CAND1: variants seen among roughly 807,000 people sequenced by gnomAD.
CAND1 encodes the protein cullin associated and neddylation dissociated 1, also known as cullin-associated NEDD8-dissociated protein 1.
A neutral mutation model predicts 108.5 loss-of-function variants in CAND1; 7 were observed. That is an observed-to-expected ratio of 0.06 (90% CI 0.04 to 0.12). The LOEUF (loss-of-function observed/expected upper bound fraction) is 0.12. Among genes scored for constraint, CAND1 ranks in the 10% least tolerant of loss-of-function variants. The pLI is 1.00. For missense variants in CAND1, 941 were observed against 1,448.7 expected (o/e 0.65, Z 5.69); for synonymous variants, 534 against 512.0 (o/e 1.04, Z -0.58).
intron 2 of CAND1, among the ~76,000 whole-genome samples, chr12:67,292,157 G>C (rs2044728407): frequency 6.6e-6 from 1 of 152,014 alleles, no homozygotes; most frequent in African/African-American, 2.4e-5. Context: ...ATGAGCCACT[G>C]CATCCGGCCT....
rs2045039063 is a variant in CAND1 at position 67,319,477 on chromosome 12, C to G, written c.*6647C>G. 1 of 152,112 alleles carries G rather than the reference C, an allele frequency of 6.6e-6. No individual in the cohort carries two copies. Among genetic ancestry groups the G allele is most frequent in the African/African-American group, 2.4e-5 (1 of 41,420 alleles). 9.4% of individuals were successfully genotyped at this position (152,112 alleles called of 1,614,324 possible). On this transcript the variant is annotated 3_prime_UTR_variant, in exon 15 of 15. Transcript: ENST00000545606. ...TTCCCTGGACAAGTAATGAAGAGGG[C>G]ATAATCCAAGGGCCAACTCCCATGT...
At chr12:67,295,871 C>T (rs1158249402) in intron 4 of CAND1, among the ~76,000 whole-genome samples, 1 of 152,110 alleles carries the variant, frequency 6.6e-6, no homozygotes, top group African/African-American at 2.4e-5. Flanking sequence ...CCGATGGCTA[C>T]AGGGCAGAAT....
At chr12:67,295,232 A>G (rs1388574513) in intron 4 of CAND1, 76 bp downstream of exon 4, 1 of 1,340,370 alleles carries the variant, frequency 7.5e-7, no homozygotes, top group Non-Finnish European at 1.0e-6. Context: ...TTTCTAGTAA[A>G]TATAATAAAA....
intron 13 of CAND1, 94 bp downstream of exon 13, chr12:67,310,410 A>C: frequency 1.1e-6 from 1 of 919,300 alleles, no homozygotes; most frequent in South Asian, 1.8e-5. Context: ...TCTGAGAAAA[A>C]TCAGGTTGTC....
rs1210840782 is a variant in CAND1 at position 67,314,571 on chromosome 12, G to A, written c.*1741G>A. On this transcript the variant is annotated 3_prime_UTR_variant, in exon 15 of 15. Transcript: ENST00000545606. ...ATGTTGTGGATATATTTAAGTATTT[G>A]GTTACATGGTTTTACAATAAATTAC... 1 of 152,158 alleles carries A rather than the reference G, an allele frequency of 6.6e-6. No individual in the cohort carries two copies. Among genetic ancestry groups the A allele is most frequent in the Non-Finnish European group, 1.5e-5 (1 of 68,024 alleles). The allele number at this position is 152,158 out of a possible 1,614,324, so 9.4% of individuals were successfully genotyped here.
intron 13 of CAND1, 123 bp from the exon 14 acceptor site, chr12:67,311,570 A>G (rs1441992870): frequency 4.6e-6 from 3 of 650,040 alleles, no homozygotes; most frequent in Admixed American, 2.5e-5. Context: ...TTGGCAGATT[A>G]CATTAAAAGG....
At chr12:67,283,214 A>G (rs1405323373) in intron 2 of CAND1, among the ~76,000 whole-genome samples, 1 of 152,242 alleles carries the variant, frequency 6.6e-6, no homozygotes, top group African/African-American at 2.4e-5. Context: ...ATTTGTCAGC[A>G]TAGAATTTCC....
intron 7 of CAND1, among the ~76,000 whole-genome samples, chr12:67,302,025 T>C (rs1454080264): frequency 3.3e-5 from 5 of 152,230 alleles, no homozygotes; most frequent in Non-Finnish European, 7.3e-5. Context: ...TTGAATGTGT[T>C]AATTGATGAT....
intron 1 of CAND1, chr12:67,270,500 C>G (rs1473515304): frequency 3.9e-5 from 6 of 152,148 alleles, no homozygotes; most frequent in African/African-American, 1.4e-4. Context: ...TCCAAAATCA[C>G]TGCCAAAGGG....
At position 67,307,397 on chromosome 12, in the gene CAND1, G is replaced by A. The variant is rs893255491; in HGVS notation, c.2930G>A (p.Gly977Asp). 1.2e-6 allele frequency: 2 copies of A among 1,608,520 alleles called. No individual in the cohort carries two copies. The highest frequency in any genetic ancestry group is 3.3e-5 in the Admixed American group (2 of 59,732). Residue 977 changes from glycine (G) to aspartate (D), a missense_variant and splice_region_variant, in exon 11 of 15, where the codon GGC (glycine) becomes GAC (aspartate). Physicochemically the swap from Gly to Asp is moderately conservative, Grantham distance 94 (BLOSUM62 -1). This residue lies in a region of CAND1 where 106 missense variants were observed against 182.0 expected (regional missense o/e 0.58). Transcript: ENST00000545606. ...AGACTTGCAATTTATTTTTAACTAG[G>A]CTCATCATATGCCCGAAGCTCAGTG... is the stretch of plus-strand genomic sequence containing the variant. Reference protein sequence around the residue: ...LPRLKGYLISGSSYARSSVVT... With the variant: ...LPRLKGYLISDSSYARSSVVT...
Position 67,306,544 on chromosome 12 carries a change from C to G in CAND1, c.2876C>G (p.Thr959Ser). 1 of 1,613,904 alleles carries G rather than the reference C, an allele frequency of 6.2e-7. No individual in the cohort carries two copies. Among genetic ancestry groups the G allele is most frequent in the Non-Finnish European group, 8.5e-7 (1 of 1,179,860 alleles). The stretch of plus-strand genomic sequence containing the variant: ...GTTGCTGAATGTCTAGGAAAACTCA[C>G]TCTAATTGATCCAGAAACTCTCCTT... ...NVVAECLGKL[T>S]LIDPETLLPR... is the part of the protein sequence containing the mutation. The change falls in exon 10 of 15, where the codon ACT becomes AGT. Residue 959 changes from threonine to serine, a missense_variant. Around this residue, in one of 9 missense-constraint regions of CAND1, gnomAD observed 106 missense variants for 182.0 expected, o/e 0.58. Transcript: ENST00000545606.
In CAND1 at chr12:67,313,689, A is replaced by G. The variant is rs2044978258; in HGVS notation, c.*859A>G. On this transcript the variant is annotated 3_prime_UTR_variant, in exon 15 of 15. Coordinates refer to ENST00000545606, the MANE Select transcript of CAND1 (RefSeq NM_018448.5). ...ATAAATCTTCTTACTTAAATTTTGA[A>G]TATTTAGTTTTTCTCAGTTACCCAT... is the stretch of plus-strand genomic sequence containing the variant. 6.6e-6 allele frequency: 1 copy of G among 152,568 alleles called. No individual in the cohort carries two copies. The highest frequency in any genetic ancestry group is 2.4e-5 in the African/African-American group (1 of 41,442). The allele number at this position is 152,568 out of a possible 1,614,324, so 9.5% of individuals were successfully genotyped here.
At chr12:67,271,127 A>G (rs143116508) in intron 1 of CAND1, among the ~76,000 whole-genome samples, 72 of 152,404 alleles carry the variant, frequency 4.7e-4, no homozygotes, top group African/African-American at 1.7e-3. Context: ...AAATGTATTT[A>G]AAACTTAAAA....
At chr12:67,311,553 A>AAACC (rs1555183892) in intron 13 of CAND1, 140 bp from the exon 14 acceptor site, 23 of 606,394 alleles carry the variant, frequency 3.8e-5, no homozygotes, top group African/African-American at 5.6e-5. Context: ...AATCTGTCTG[A>AAACC]TTCTGATTGG....
chr12:67,294,421 T>C (rs2044750013), intron 3 of CAND1, among the ~76,000 whole-genome samples: 1 of 152,262 alleles, frequency 6.6e-6, no homozygotes, highest in South Asian at 2.1e-4. Context: ...CTGCTAAGCA[T>C]TGGAGCTCAG....
intron 10 of CAND1, 97 bp from the exon 11 acceptor site, chr12:67,307,300 A>G (rs2044897201): frequency 2.5e-6 from 2 of 802,464 alleles, no homozygotes; most frequent in African/African-American, 1.7e-5. Flanking sequence ...ATTCTAAGGC[A>G]TTGAAGACAC....
intron 1 of CAND1, among the ~76,000 whole-genome samples, chr12:67,275,539 A>AT (rs1412675072): frequency 6.6e-6 from 1 of 152,172 alleles, no homozygotes; most frequent in Non-Finnish European, 1.5e-5. Flanking sequence ...GAAAAAAAAA[A>AT]AAACTGTTCC....
intron 7 of CAND1, among the ~76,000 whole-genome samples, chr12:67,300,913 G>C (rs768373766): frequency 6.6e-6 from 1 of 152,012 alleles, no homozygotes; most frequent in African/African-American, 2.4e-5. Flanking sequence ...AACAAACTAG[G>C]TACTTCACCT....
intron 3 of CAND1, 152 bp downstream of exon 3, chr12:67,292,928 T>G: frequency 1.5e-6 from 1 of 646,068 alleles, no homozygotes; most frequent in Non-Finnish European, 2.7e-6. Context: ...AATTAAAGCG[T>G]GAAGCCTTAT....
Sources: allele counts gnomAD v4.1 joint callset (sites outside exome capture counted in the v4.1 genomes callset), GRCh38; gene constraint gnomAD v4.1.1; regional missense constraint gnomAD v4.1.1; transcripts MANE v1.5; gene names NCBI Gene and HGNC (gene_info 2026-07-23, HGNC 2026-07-21).